Variants in PECAM1 observed in about 807,000 individuals in gnomAD.
PECAM1 encodes the protein platelet endothelial cell adhesion molecule.
Under a neutral mutation model 13.8 loss-of-function variants are expected in PECAM1, and 8 were observed. That is an observed-to-expected ratio of 0.58 (90% confidence interval 0.34 to 1.05). The LOEUF is 1.05. Among genes scored for constraint, PECAM1 ranks in the 50% least tolerant of loss-of-function variants. The probability of loss-of-function intolerance (pLI) is 0.03; values close to 1 mark genes in which losing one functional copy is unlikely to be tolerated. For synonymous variants in PECAM1, 136 were observed against 52.6 expected (o/e 2.58, Z -6.86); for missense variants, 304 against 141.2 (o/e 2.15, Z -5.84).
chr17:64,351,659 G>A (rs2143776543), intron 11 of PECAM1, among the ~76,000 whole-genome samples: 1 of 152,180 alleles, frequency 6.6e-6, no homozygotes, highest in East Asian at 1.9e-4. Flanking sequence ...AGGCTGCAGT[G>A]AGCTGAGATT....
intron 14 of PECAM1, among the ~76,000 whole-genome samples, chr17:64,338,943 ATG>A (rs1479623596): frequency 6.6e-6 from 1 of 152,184 alleles, no homozygotes; most frequent in Non-Finnish European, 1.5e-5. Context: ...TGCGTTATGT[ATG>A]TTAATAAACT....
intron 6 of PECAM1, among the ~76,000 whole-genome samples, chr17:64,361,294 T>C (rs2035973562): frequency 6.6e-6 from 1 of 151,664 alleles, no homozygotes; most frequent in Non-Finnish European, 1.5e-5. Flanking sequence ...TACAGGCATG[T>C]GCCACCACAC....
chr17:64,328,268 A>G (rs1555646022), intron 15 of PECAM1, among the ~76,000 whole-genome samples: 1 of 152,244 alleles, frequency 6.6e-6, no homozygotes, highest in Non-Finnish European at 1.5e-5. Context: ...AGGAGAACAC[A>G]TCTGTGTCCC....
In PECAM1 at chr17:64,338,213, TA is replaced by T. The variant is rs1238311648; in HGVS notation, c.2164+3420del. On this transcript the variant is annotated intron_variant, in intron 14 of 15. Coordinates refer to ENST00000563924, the MANE Select transcript of PECAM1 (RefSeq NM_000442.5). Reference sequence around the variant, plus strand: ...ACTATGCCCAGCTAATTTTTGTTTTTATATTGGTTTTTTAAATTTTTTAAAA... The same window carrying T: ...ACTATGCCCAGCTAATTTTTGTTTTTTATTGGTTTTTTAAATTTTTTAAAA... 1.2e-3 allele frequency among the ~76,000 whole-genome samples: 185 copies of T among 149,744 alleles called. 2 individuals are homozygous for T. The East Asian group carries it at 0.033, about 27-fold the overall frequency.
intron 2 of PECAM1, among the ~76,000 whole-genome samples, chr17:64,381,955 C>T (rs1222498255): frequency 2.6e-5 from 4 of 152,024 alleles, no homozygotes; most frequent in Non-Finnish European, 4.4e-5. Context: ...ACAAAATTAG[C>T]CGGGTGTGGT....
chr17:64,345,299 G>A (rs2035535421), intron 13 of PECAM1, among the ~76,000 whole-genome samples: 1 of 152,180 alleles, frequency 6.6e-6, no homozygotes, highest in African/African-American at 2.4e-5. Flanking sequence ...GCTGCAGTGT[G>A]TTCCTGGCTG....
rs1484157682 is a variant in PECAM1, at chr17:64,386,121, T to G, written c.91+4368A>C. 3.3e-5 allele frequency among the ~76,000 whole-genome samples: 5 copies of G among 152,236 alleles called. 1 individual carries two copies. In the South Asian group the frequency reaches 1.0e-3, roughly 32 times the overall value. The stretch of plus-strand genomic sequence containing the variant: ...CTGAGTGGACTCAACAGGACTTGTT[T>G]CTGGGGTGTTGAAAATGTTCTAGAA... On this transcript the variant is annotated intron_variant, in intron 2 of 15. Coordinates refer to ENST00000563924, the MANE Select transcript of PECAM1 (RefSeq NM_000442.5).
chr17:64,359,708 G>A (rs1395278137), intron 7 of PECAM1, among the ~76,000 whole-genome samples: 1 of 146,766 alleles, frequency 6.8e-6, no homozygotes, highest in East Asian at 1.9e-4. Flanking sequence ...GCCCTGCTTT[G>A]GTGCATATCT....
chr17:64,379,629 G>A (rs1352764069), intron 2 of PECAM1, among the ~76,000 whole-genome samples: 1 of 152,088 alleles, frequency 6.6e-6, no homozygotes, highest in Non-Finnish European at 1.5e-5. Context: ...TCTTTTCCAA[G>A]CACATGAATC....
intron 14 of PECAM1, among the ~76,000 whole-genome samples, chr17:64,340,394 G>A (rs2035395288): frequency 6.6e-6 from 1 of 152,008 alleles, no homozygotes; most frequent in Non-Finnish European, 1.5e-5. Flanking sequence ...CGCCTAGCCT[G>A]AGTAGCCACC....
At chr17:64,376,305 AAAAT>A (rs386627358) in intron 3 of PECAM1, among the ~76,000 whole-genome samples, 12,644 of 148,392 alleles carry the variant, frequency 0.085, 1,777 homozygotes, top group African/African-American at 0.29. Flanking sequence ...ACTCTGTCTA[AAAAT>A]AAATAAATAA....
chr17:64,336,891 GGAAGGAGAGAGA>G (rs1480409687), intron 14 of PECAM1, among the ~76,000 whole-genome samples: 3 of 142,704 alleles, frequency 2.1e-5, no homozygotes, highest in Non-Finnish European at 3.1e-5. Flanking sequence ...AAAGAAGGAA[GGAAGGAGAGAGA>G]GAGAGAGAGA....
chr17:64,334,971 C>T (rs1356411423), intron 14 of PECAM1, among the ~76,000 whole-genome samples: 1 of 152,058 alleles, frequency 6.6e-6, no homozygotes, highest in African/African-American at 2.4e-5. Flanking sequence ...CTTAGCGTGG[C>T]ACAATCAGAA....
intron 5 of PECAM1, among the ~76,000 whole-genome samples, chr17:64,365,641 C>T (rs1158001790): frequency 2.0e-4 from 31 of 151,968 alleles, no homozygotes; most frequent in Non-Finnish European, 3.4e-4. Flanking sequence ...ATCAATGGAA[C>T]GGAACAGAGC....
intron 4 of PECAM1, among the ~76,000 whole-genome samples, chr17:64,374,834 A>T (rs977050560): frequency 1.3e-5 from 2 of 152,254 alleles, no homozygotes; most frequent in Middle Eastern, 3.4e-3. Flanking sequence ...CATCATATAT[A>T]TTAAGAGTAA....
chr17:64,341,591 AG>A (rs2035432527), intron 14 of PECAM1, 42 bp downstream of exon 14: 1 of 429,960 alleles, frequency 2.3e-6, no homozygotes, highest in Non-Finnish European at 4.2e-6. Flanking sequence ...CAGTGATTCT[AG>A]GGGGCATCCC....
Position 64,323,600 on chromosome 17 carries a change from T to C in PECAM1, c.*216A>G, listed in dbSNP as rs1037195321. On this transcript the variant is annotated 3_prime_UTR_variant, in exon 16 of 16. Coordinates refer to ENST00000563924, the MANE Select transcript of PECAM1 (RefSeq NM_000442.5). ...GTTCCAACTTGGTGGAAGGAGGGTA[T>C]GTGGGAAATTCAACAGCCCCTCTGT... The C allele has an allele frequency of 7.0e-6, 10 of 1,430,512 alleles. No individual in the cohort carries two copies. The highest frequency in any genetic ancestry group is 9.1e-6 in the Non-Finnish European group (10 of 1,095,768). The allele number at this position is 1,430,512 out of a possible 1,614,324, so 88.6% of individuals were successfully genotyped here. A position where few individuals can be genotyped will look rare whatever the true frequency, so the allele number is the denominator to read the frequency against.
intron 14 of PECAM1, among the ~76,000 whole-genome samples, chr17:64,339,875 C>G (rs118202339): frequency 6.6e-6 from 1 of 152,104 alleles, no homozygotes; most frequent in Non-Finnish European, 1.5e-5. Context: ...TTTTGCCTGG[C>G]ACAGTGGCTC....
intron 2 of PECAM1, among the ~76,000 whole-genome samples, chr17:64,385,576 G>A (rs1252733610): frequency 1.3e-5 from 2 of 151,756 alleles, no homozygotes; most frequent in African/African-American, 4.8e-5. Context: ...CCCATCCAAT[G>A]AGACATGTGT....
Sources: gnomAD v4.1 joint callset for allele counts (sites outside exome capture counted in the v4.1 genomes callset) on GRCh38, gnomAD v4.1.1 for gene constraint, MANE v1.5 for transcripts, NCBI Gene and HGNC (gene_info 2026-07-23, HGNC 2026-07-21) for gene names.